Variants in SCAMP4 observed in about 807,000 individuals in gnomAD.
The protein encoded by SCAMP4 is secretory carrier-associated membrane protein 4.
Under a neutral mutation model 32.1 loss-of-function variants are expected in SCAMP4, and 19 were observed. The observed-to-expected ratio is 0.59, with a 90% CI of 0.41 to 0.87. The LOEUF is 0.87. Ranked by LOEUF, SCAMP4 falls within the 40% of genes least tolerant of loss-of-function variation. The probability of loss-of-function intolerance (pLI) is 0.00; values close to 1 mark genes in which losing one functional copy is unlikely to be tolerated. For missense variants in SCAMP4, 302 were observed against 309.0 expected (o/e 0.98, Z 0.17); for synonymous variants, 152 against 132.7 (o/e 1.15, Z -1.00).
chr19:1,912,353 C>T (rs1336726862), intron 1 of SCAMP4: 3 of 1,529,488 alleles, frequency 2.0e-6, no homozygotes, highest in South Asian at 1.2e-5. Context: ...ATGCCGGCAG[C>T]CCCCACGCCC....
rs747288058 is a variant in SCAMP4, at chr19:1,912,748, A to C, written c.-41-2231A>C. 10 of 1,547,254 alleles carry C rather than the reference A, an allele frequency of 6.5e-6. No homozygotes were observed. Among genetic ancestry groups the C allele is most frequent in the Admixed American group, 1.9e-5 (1 of 53,128 alleles). On this transcript the variant is annotated intron_variant, in intron 1 of 6. Transcript: ENST00000316097. ...ACCGGCCACGACTGCAGCTGCGCGG[A>C]CAACCCCCTCCTGCACGCCGTCATG...
At position 1,923,140 on chromosome 19, in the gene SCAMP4, A is replaced by T; in HGVS notation, c.466A>T (p.Ile156Phe). 6.4e-7 allele frequency: 1 copy of T among 1,552,956 alleles called. No individual in the cohort carries two copies. Among genetic ancestry groups the T allele is most frequent in the South Asian group, 1.2e-5 (1 of 83,860 alleles). ...TGCCGTGGTCATGCTGCTTCCAGCC[A>T]TCATGTTCTCCGTGTCGGCTGCCAT... ...GAAVVMLLPA[I>F]MFSVSAAMMA... Residue 156 changes from isoleucine to phenylalanine, a missense_variant, in exon 6 of 7, where the codon ATC becomes TTC. Transcript: ENST00000316097.
At chr19:1,912,897 C>G (rs139715915) in intron 1 of SCAMP4, 1 of 1,608,246 alleles carries the variant, frequency 6.2e-7, no homozygotes, top group South Asian at 1.1e-5. Flanking sequence ...CGTGCGTAAA[C>G]TGGACGCAGA....
chr19:1,905,628 G>A (rs1263622878), intron 1 of SCAMP4, 189 bp downstream of exon 1: 1 of 160,936 alleles, frequency 6.2e-6, no homozygotes, highest in Non-Finnish European at 1.4e-5. Flanking sequence ...CGGCGCGAAT[G>A]CGCGTGCGCG....
intron 1 of SCAMP4, among the ~76,000 whole-genome samples, chr19:1,907,549 G>T (rs2013195766): frequency 6.6e-6 from 1 of 152,124 alleles, no homozygotes; most frequent in Non-Finnish European, 1.5e-5. Context: ...GTGTTTTCTG[G>T]GTGGACATAC....
chr19:1,910,323 C>A (rs1347288246), intron 1 of SCAMP4, among the ~76,000 whole-genome samples: 3 of 152,236 alleles, frequency 2.0e-5, no homozygotes, highest in African/African-American at 7.2e-5. Context: ...CAGTTCCTGG[C>A]CACATGGCCC....
In SCAMP4 at chr19:1,908,299, G is replaced by A; in HGVS notation, c.-42+2860G>A. The A allele has an allele frequency of 3.0e-6, 1 of 328,238 alleles. No homozygotes were observed. The highest frequency in any genetic ancestry group is 6.0e-6 in the Non-Finnish European group (1 of 165,394). 20.3% of individuals were successfully genotyped at this position (328,238 alleles called of 1,614,324 possible). ...CGGTTCTGTGCTTTGTTGAACGCGT[G>A]AGCTTCGGGCAGCGCTGGGGCCGCT... is the stretch of plus-strand genomic sequence containing the variant. On this transcript the variant is annotated intron_variant, in intron 1 of 6. Transcript: ENST00000316097. This position sits in a 1 kb window ranked among gnomAD's most constrained non-coding sequence, Gnocchi z 4.2.
At chr19:1,919,279 A>G (rs2013842187) in intron 5 of SCAMP4, 9 of 1,272,596 alleles carry the variant, frequency 7.1e-6, no homozygotes, top group Non-Finnish European at 9.0e-6. Flanking sequence ...TTGTCTCCTG[A>G]GTGTTGATCA....
At chr19:1,911,644 G>A (rs758938145) in intron 1 of SCAMP4, among the ~76,000 whole-genome samples, 5 of 152,164 alleles carry the variant, frequency 3.3e-5, no homozygotes, top group Non-Finnish European at 7.3e-5. Flanking sequence ...TTAGTCGGGC[G>A]TGGTGGCGCA....
intron 1 of SCAMP4, among the ~76,000 whole-genome samples, chr19:1,911,623 A>G (rs1225740478): frequency 6.6e-6 from 1 of 152,156 alleles, no homozygotes; most frequent in Non-Finnish European, 1.5e-5. Flanking sequence ...TCTACTAAAA[A>G]TACACAAAAA....
At chr19:1,911,173 G>A (rs578218214) in intron 1 of SCAMP4, among the ~76,000 whole-genome samples, 13 of 151,760 alleles carry the variant, frequency 8.6e-5, no homozygotes, top group Admixed American at 4.6e-4. Context: ...CCGTGCCCGG[G>A]TTTTCATTTT....
intron 5 of SCAMP4, chr19:1,921,897 G>A (rs1384982528): frequency 4.1e-6 from 4 of 985,362 alleles, no homozygotes; most frequent in African/African-American, 3.5e-5. Flanking sequence ...GCGAACACAG[G>A]ACAGGCCAGC....
Position 1,911,809 on chromosome 19 carries a change from A to G in SCAMP4, c.-41-3170A>G, listed in dbSNP as rs900235981. On this transcript the variant is annotated intron_variant, in intron 1 of 6. Coordinates refer to ENST00000316097, the MANE Select transcript of SCAMP4 (RefSeq NM_079834.4). ...AGTAAAAAAATAAAATAAAAAAAAAAGAAAATGATCTGTCTTCTGGTAGGT... is the reference window on the plus strand; with the variant it reads ...AGTAAAAAAATAAAATAAAAAAAAAGGAAAATGATCTGTCTTCTGGTAGGT... The G allele has an allele frequency of 3.3e-5, 14 of 421,686 alleles. No individual in the cohort carries two copies. The Admixed American group carries it at 6.2e-4, about 19-fold the overall frequency. 26.1% of individuals were successfully genotyped at this position (421,686 alleles called of 1,614,324 possible).
intron 1 of SCAMP4, chr19:1,913,134 C>G: frequency 1.3e-6 from 2 of 1,567,434 alleles, no homozygotes; most frequent in South Asian, 1.1e-5. Context: ...GTGCCGCTGG[C>G]TGGACCCCGA....
intron 1 of SCAMP4, chr19:1,912,328 T>C: frequency 6.5e-7 from 1 of 1,538,268 alleles, no homozygotes; most frequent in Non-Finnish European, 8.7e-7. Flanking sequence ...CTCAAGCGGG[T>C]GCGGCCCAGC....
intron 2 of SCAMP4, among the ~76,000 whole-genome samples, chr19:1,917,206 T>TGAGGCAGAAGAATCACTTGAGCTTGG (rs1202135710): frequency 6.6e-6 from 1 of 152,180 alleles, no homozygotes; most frequent in Non-Finnish European, 1.5e-5. Flanking sequence ...CTTGGGAGGC[T>TGAGGCAGAAGAATCACTTGAGCTTGG]GAGGCAGAAG....
At chr19:1,919,257 G>C in intron 5 of SCAMP4, 1 of 1,317,762 alleles carries the variant, frequency 7.6e-7, no homozygotes, top group Non-Finnish European at 9.7e-7. Context: ...CCTCGCCAGC[G>C]CCCAGCCAGG....
chr19:1,921,252 C>T (rs927889246), intron 5 of SCAMP4: 5 of 985,240 alleles, frequency 5.1e-6, no homozygotes, highest in Non-Finnish European at 6.0e-6. Flanking sequence ...GGCGACAGCC[C>T]CGCTCTCCCT....
At chr19:1,924,012 G>C (rs200389235) in intron 6 of SCAMP4, 96 bp from the exon 7 acceptor site, 1 of 780,452 alleles carries the variant, frequency 1.3e-6, no homozygotes, top group South Asian at 1.9e-5. Flanking sequence ...TGTCTGCCTC[G>C]GCCTCCCGAA....
Sources: allele counts gnomAD v4.1 joint callset (sites outside exome capture counted in the v4.1 genomes callset), GRCh38; gene constraint gnomAD v4.1.1; non-coding constraint Gnocchi (gnomAD v3.1); transcripts MANE v1.5; gene names NCBI Gene and HGNC (gene_info 2026-07-23, HGNC 2026-07-21).